The following HGS variants were observed in gnomAD, a reference collection of about 807,000 sequenced individuals.
HGS encodes the protein hepatocyte growth factor-regulated tyrosine kinase substrate.
In HGS, 63 loss-of-function variants were observed where a neutral mutation model predicts 109.7. The ratio of observed to expected loss-of-function variants is 0.57; its 90% confidence interval spans 0.47 to 0.71. HGS has a LOEUF of 0.71. Among genes scored for constraint, HGS ranks in the 30% least tolerant of loss-of-function variants. The pLI, the probability that HGS is intolerant of heterozygous loss-of-function variation, is 0.00. For missense variants in HGS, 995 were observed against 1,068.3 expected (o/e 0.93, Z 0.96); for synonymous variants, 546 against 437.3 (o/e 1.25, Z -3.10).
At chr17:81,694,096 C>T in intron 11 of HGS, 131 bp downstream of exon 11, 1 of 729,016 alleles carries the variant, frequency 1.4e-6, no homozygotes, top group East Asian at 2.7e-5. Flanking sequence ...GAGGACAGCC[C>T]CAGCACACGG....
In HGS at chr17:81,690,229, G is replaced by C; in HGVS notation, c.463G>C (p.Glu155Gln). The change falls in exon 6 of 22, where the codon GAG becomes CAG. Residue 155 changes from glutamate (E) to glutamine (Q), a missense_variant. By Grantham distance (29) the Glu-to-Gln change is conservative. Transcript: ENST00000329138. The part of the protein sequence containing the change: ...FKESDAMFAA[E>Q]RAPDWVDAEE... ...AGAGAGCGATGCCATGTTTGCTGCC[G>C]AGAGAGTGAGTGTGGGCGGCCGCCA... 1.9e-6 allele frequency: 3 copies of C among 1,613,890 alleles called. No individual in the cohort carries two copies. The highest frequency in any genetic ancestry group is 2.5e-6 in the Non-Finnish European group (3 of 1,179,858).
intron 4 of HGS, among the ~76,000 whole-genome samples, chr17:81,687,746 C>T (rs963283481): frequency 1.3e-5 from 2 of 152,092 alleles, no homozygotes; most frequent in Non-Finnish European, 2.9e-5. Flanking sequence ...GAAAGAGTGT[C>T]CCATGTAGTC....
chr17:81,693,972 G>A lies in HGS; in HGVS notation c.936+7G>A, dbSNP rs376016252. On this transcript the variant is annotated splice_region_variant and intron_variant, in intron 11 of 21. Coordinates refer to ENST00000329138, the MANE Select transcript of HGS (RefSeq NM_004712.5). ...CCTGTACTCTTCACCTGTGGTGAGC[G>A]GCCCTTGGGCTGGAGCTCCCTCTCC... 1.4e-5 allele frequency: 23 copies of A among 1,600,998 alleles called. No individual in the cohort carries two copies. The highest frequency in any genetic ancestry group is 2.7e-5 in the African/African-American group (2 of 74,420).
rs766958884 is a variant in HGS at position 81,693,508 on chromosome 17, C to A, written c.668C>A (p.Ala223Glu). The stretch of plus-strand genomic sequence containing the variant: ...AGCATTCCTTGTGCCCACAGGAAAG[C>A]GGAGGGAAAGGCCACTTCCACCACT... Reference protein sequence around the residue: ...EPCYEQLNRKAEGKATSTTEL... With the variant: ...EPCYEQLNRKEEGKATSTTEL... Residue 223 changes from alanine (A) to glutamate (E), a missense_variant, in exon 9 of 22, where the codon GCG becomes GAG. Physicochemically the swap from Ala to Glu is moderately radical, Grantham distance 107. This residue lies in a region of HGS where 182 missense variants were observed against 261.3 expected (regional missense o/e 0.70). Transcript: ENST00000329138. The A allele has an allele frequency of 1.2e-6, 2 of 1,612,528 alleles. No individual in the cohort carries two copies. Among genetic ancestry groups the A allele is most frequent in the South Asian group, 2.2e-5 (2 of 90,976 alleles).
At chr17:81,690,806 G>A (rs924843599) in intron 7 of HGS, 64 bp downstream of exon 7, 24 of 1,445,780 alleles carry the variant, frequency 1.7e-5, no homozygotes, top group Non-Finnish European at 2.0e-5. Flanking sequence ...CCGTGCACAA[G>A]GCCACCGTCC....
At position 81,690,700 on chromosome 17, in the gene HGS, A is replaced by G; in HGVS notation, c.495A>G (p.Glu165=). 6.2e-7 allele frequency: 1 copy of G among 1,613,016 alleles called. No individual in the cohort carries two copies. Among genetic ancestry groups the G allele is most frequent in the Non-Finnish European group, 8.5e-7 (1 of 1,179,740 alleles). Residue 165 remains glutamate (E), a synonymous_variant, in exon 7 of 22, where the codon GAA becomes GAG. Coordinates refer to ENST00000329138, the MANE Select transcript of HGS (RefSeq NM_004712.5). ...ERAPDWVDAE[E]CHRCRVQFGV... is the part of the protein sequence containing the mutation. ...CCCCAGACTGGGTGGACGCTGAGGA[A>G]TGCCACCGCTGCAGGGTGCAGTTCG... is the stretch of plus-strand genomic sequence containing the variant.
chr17:81,695,451 T>C (rs36074783), intron 14 of HGS, among the ~76,000 whole-genome samples: 10,484 of 152,292 alleles, frequency 0.069, 436 homozygotes, highest in East Asian at 0.22. Context: ...GGACCTAACA[T>C]GGACCTGAAT....
chr17:81,693,541 C>A lies in HGS; in HGVS notation c.701C>A (p.Pro234His), dbSNP rs139674196. ...EGKATSTTELPPEYLTSPLSQ... is the reference protein window; with the variant it reads ...EGKATSTTELHPEYLTSPLSQ... ...AAGGCCACTTCCACCACTGAGCTGC[C>A]CCCCGAGTACCTGACCAGCCCCCTG... The change falls in exon 9 of 22, where the codon CCC (proline) becomes CAC (histidine). Residue 234 changes from proline (P) to histidine (H), a missense_variant. By Grantham distance (77) the Pro-to-His change is moderately conservative. Coordinates refer to ENST00000329138, the MANE Select transcript of HGS (RefSeq NM_004712.5). 27 of 1,613,052 alleles carry A rather than the reference C, an allele frequency of 1.7e-5. No homozygotes were observed. Among genetic ancestry groups the A allele is most frequent in the Middle Eastern group, 3.3e-4 (2 of 6,072 alleles).
chr17:81,700,404 G>A (rs374512330), intron 18 of HGS, 63 bp from the exon 19 acceptor site: 1 of 1,447,882 alleles, frequency 6.9e-7, no homozygotes, highest in Non-Finnish European at 9.2e-7. Context: ...CAAGAGTAGG[G>A]TGTCCCTTCC....
chr17:81,696,682 GAGC>G lies in HGS; in HGVS notation c.1648_1650del (p.Gln550del). The G allele has an allele frequency of 6.2e-7, 1 of 1,611,656 alleles. No homozygotes were observed. Among genetic ancestry groups the G allele is most frequent in the Non-Finnish European group, 8.5e-7 (1 of 1,179,666 alleles). On this transcript the variant is annotated inframe_deletion, in exon 17 of 22. Coordinates refer to ENST00000329138, the MANE Select transcript of HGS (RefSeq NM_004712.5). ...GGAGAAGGAGCGGCAGATGCGGCTG[GAGC>G]AGCAGAAGCAGACGGTCCAGATGCG...
intron 2 of HGS, 54 bp downstream of exon 2, chr17:81,685,743 G>C: frequency 7.0e-7 from 1 of 1,420,368 alleles, no homozygotes; most frequent in Non-Finnish European, 9.8e-7. Context: ...GCACTAAGCT[G>C]GGCTCGCTTG....
chr17:81,699,549 CTG>C (rs1598751086), intron 18 of HGS, among the ~76,000 whole-genome samples: 7 of 152,198 alleles, frequency 4.6e-5, no homozygotes, highest in African/African-American at 1.7e-4. Flanking sequence ...CCTCAGCCTC[CTG>C]CGTAGCTGGG....
At chr17:81,694,670 G>A (rs2037116005) in intron 11 of HGS, 145 bp from the exon 12 acceptor site, 1 of 881,328 alleles carries the variant, frequency 1.1e-6, no homozygotes, top group South Asian at 1.4e-5. Flanking sequence ...TGGCTGCTCA[G>A]ATGCCAGGAA....
intron 4 of HGS, among the ~76,000 whole-genome samples, 173 bp from the exon 5 acceptor site, chr17:81,688,529 CAG>C (rs756746049): frequency 6.6e-6 from 1 of 152,170 alleles, no homozygotes; most frequent in African/African-American, 2.4e-5. Context: ...GGTTTGAACT[CAG>C]GGTCTGGGAA....
chr17:81,691,395 G>T lies in HGS; in HGVS notation c.538-52G>T, dbSNP rs904362834. On this transcript the variant is annotated intron_variant, in intron 7 of 21. Transcript: ENST00000329138. The surrounding 1 kb of genome is among the most constrained non-coding windows in gnomAD (Gnocchi z 5.3). ...ACGGGGTGGTTCTGGGCCGGGTGGC[G>T]CATCAGGGTCCCCCAGTGCCTGTGA... 17 of 1,607,820 alleles carry T rather than the reference G, an allele frequency of 1.1e-5. No individual in the cohort carries two copies. Among genetic ancestry groups the T allele is most frequent in the Non-Finnish European group, 1.4e-5 (17 of 1,177,872 alleles).
At chr17:81,697,196 G>A in intron 18 of HGS, 198 bp downstream of exon 18, 1 of 615,120 alleles carries the variant, frequency 1.6e-6, no homozygotes, top group Middle Eastern at 4.4e-4. Context: ...GTCCGTGCGT[G>A]GCAGGTACTG....
chr17:81,695,362 G>A, intron 14 of HGS, 139 bp downstream of exon 14: 2 of 836,496 alleles, frequency 2.4e-6, no homozygotes, highest in Non-Finnish European at 3.8e-6. Flanking sequence ...GCCCTGGCCT[G>A]CCCTGCCCTG....
At position 81,700,493 on chromosome 17, in the gene HGS, T is replaced by C. The variant is rs1307264043; in HGVS notation, c.1909T>C (p.Tyr637His). 5.5e-5 allele frequency: 88 copies of C among 1,598,738 alleles called. No individual in the cohort carries two copies. The highest frequency in any genetic ancestry group is 7.3e-5 in the Non-Finnish European group (85 of 1,172,236). ...TCCCAGCATGGTGAGTGCCTACATGTACCCAGCAGGGGCCACTGGGGCGCA... is the reference window on the plus strand; with the variant it reads ...TCCCAGCATGGTGAGTGCCTACATGCACCCAGCAGGGGCCACTGGGGCGCA... ...ADPSMVSAYM[Y>H]PAGATGAQAA... is the part of the protein sequence containing the mutation. The change falls in exon 19 of 22, where the codon TAC becomes CAC. Residue 637 changes from tyrosine (Y) to histidine (H), a missense_variant. Transcript: ENST00000329138.
rs201324223 is a variant in HGS at position 81,694,817 on chromosome 17, C to G, written c.939C>G (p.Asn313Lys). The change falls in exon 12 of 22, where the codon AAC becomes AAG. Residue 313 changes from asparagine (N) to lysine (K), a missense_variant and splice_region_variant. Around this residue, in one of 6 missense-constraint regions of HGS, gnomAD observed 300 missense variants for 235.4 expected, o/e 1.27. Coordinates refer to ENST00000329138, the MANE Select transcript of HGS (RefSeq NM_004712.5). Reference protein sequence around the residue: ...PASSLYSSPVNSSAPLAEDID... With the variant: ...PASSLYSSPVKSSAPLAEDID... ...CTCAGATGCCCTTTTCTCCCCAGAA[C>G]TCGTCGGCGCCTCTGGCTGAGGACA... The G allele has an allele frequency of 6.2e-7, 1 of 1,614,274 alleles. No homozygotes were observed. The highest frequency in any genetic ancestry group is 1.7e-5 in the Admixed American group (1 of 60,038).
Sources: gnomAD v4.1 joint callset for allele counts (sites outside exome capture counted in the v4.1 genomes callset) on GRCh38, gnomAD v4.1.1 for gene constraint, gnomAD v4.1.1 regional missense constraint, Gnocchi (gnomAD v3.1) non-coding constraint, MANE v1.5 for transcripts, NCBI Gene and HGNC (gene_info 2026-07-23, HGNC 2026-07-21) for gene names.